SHMT1: variants seen among roughly 807,000 people sequenced by gnomAD.
SHMT1 encodes the protein serine hydroxymethyltransferase 1, also known as serine hydroxymethyltransferase, cytosolic.
SHMT1 carries 45 observed loss-of-function variants against 49.0 expected under a neutral mutation model. The observed-to-expected ratio is 0.92, with a 90% CI of 0.72 to 1.18. The LOEUF (loss-of-function observed/expected upper bound fraction) is 1.18, where lower values mean the gene tolerates loss of function less well. SHMT1 is among the 50% of genes most tolerant of loss of function. The probability of loss-of-function intolerance (pLI) is 0.00; values close to 1 mark genes in which losing one functional copy is unlikely to be tolerated. For missense variants in SHMT1, 541 were observed against 612.4 expected, an observed-to-expected ratio of 0.88 and a Z score of 1.23; for synonymous variants, 232 against 246.6, an observed-to-expected ratio of 0.94 and a Z score of 0.55.
chr17:18,329,293 G>A lies in SHMT1; in HGVS notation c.1267C>T (p.His423Tyr). 6.2e-7 allele frequency: 1 copy of A among 1,611,682 alleles called. No homozygotes were observed. Among genetic ancestry groups the A allele is most frequent in the Non-Finnish European group, 8.5e-7 (1 of 1,178,394 alleles). ...LLEKDFQKVAHFIHRGIELTL... is the reference protein window; with the variant it reads ...LLEKDFQKVAYFIHRGIELTL... ...TTATCCTTACCTCTGTGAATAAAGT[G>A]GGCTACTTTTTGGAAGTCTTTTTCC... Residue 423 changes from histidine (H) to tyrosine (Y), a missense_variant, in exon 11 of 12, where the codon CAC becomes TAC. Coordinates refer to ENST00000316694, the MANE Select transcript of SHMT1 (RefSeq NM_004169.5).
intron 1 of SHMT1, chr17:18,360,484 C>T (rs1986654309): frequency 1.3e-5 from 2 of 151,220 alleles, no homozygotes; most frequent in African/African-American, 4.9e-5. Flanking sequence ...CACTTGAGTC[C>T]CGGAGGTTGA....
intron 3 of SHMT1, 23 bp downstream of exon 3, chr17:18,353,649 G>T (rs372897812): frequency 3.1e-6 from 5 of 1,613,204 alleles, no homozygotes; most frequent in East Asian, 4.5e-5. Flanking sequence ...GTCAGAACCA[G>T]GCCTTTGAAG....
chr17:18,356,204 G>A (rs113534518), intron 1 of SHMT1, among the ~76,000 whole-genome samples: 6,278 of 151,748 alleles, frequency 0.041, 314 homozygotes, highest in African/African-American at 0.12. Context: ...CACCATGCCC[G>A]GCTAATTTTT....
chr17:18,351,271 G>A (rs1048490051), intron 3 of SHMT1, among the ~76,000 whole-genome samples: 18 of 151,968 alleles, frequency 1.2e-4, no homozygotes, highest in African/African-American at 4.3e-4. Context: ...CTCCCGAGTA[G>A]CTGGGACTAC....
chr17:18,349,407 AAG>A (rs1985445516), intron 3 of SHMT1, among the ~76,000 whole-genome samples: 1 of 151,766 alleles, frequency 6.6e-6, no homozygotes, highest in South Asian at 2.1e-4. Flanking sequence ...GCATCCCAGC[AAG>A]ACTCAGTCTC....
At chr17:18,349,141 T>C (rs760422905) in intron 3 of SHMT1, among the ~76,000 whole-genome samples, 1 of 152,158 alleles carries the variant, frequency 6.6e-6, no homozygotes, top group Non-Finnish European at 1.5e-5. Flanking sequence ...AAGCTTAGGC[T>C]GGGCATGGTG....
At chr17:18,347,015 G>A (rs1985148772) in intron 5 of SHMT1, among the ~76,000 whole-genome samples, 1 of 152,224 alleles carries the variant, frequency 6.6e-6, no homozygotes, top group Admixed American at 6.5e-5. Flanking sequence ...GAGGACTGTG[G>A]CTGTGGATGG....
rs370302733 is a variant in SHMT1, at chr17:18,348,290, GA to G, written c.358+34del. 1.8e-5 allele frequency: 24 copies of G among 1,350,758 alleles called. No homozygotes were observed. In the African/African-American group the frequency reaches 1.9e-4, roughly 10 times the overall value. 83.7% of individuals were successfully genotyped at this position (1,350,758 alleles called of 1,614,324 possible). On this transcript the variant is annotated intron_variant, in intron 4 of 11. Coordinates refer to ENST00000316694, the MANE Select transcript of SHMT1 (RefSeq NM_004169.5). ...GTCGGCCCTGGGGGATGCACATGAAGAGGCTGCACCAGGCCATATGGATGAG... is the reference window on the plus strand; with the variant it reads ...GTCGGCCCTGGGGGATGCACATGAAGGGCTGCACCAGGCCATATGGATGAG...
At chr17:18,335,855 G>GT (rs1413460455) in intron 7 of SHMT1, among the ~76,000 whole-genome samples, 180 bp from the exon 8 acceptor site, 1 of 152,182 alleles carries the variant, frequency 6.6e-6, no homozygotes, top group East Asian at 1.9e-4. Context: ...GGGCAGACCA[G>GT]TATCTTTATT....
In SHMT1 at chr17:18,330,899, G is replaced by T. The variant is rs1983139975; in HGVS notation, c.1055-228C>A. 4 of 556,534 alleles carry T rather than the reference G, an allele frequency of 7.2e-6. No individual in the cohort carries two copies. The East Asian group carries it at 1.4e-4, about 19-fold the overall frequency. 34.5% of individuals were successfully genotyped at this position (556,534 alleles called of 1,614,324 possible). ...AGGGGTAACTGATCATACAGCAGAG[G>T]GCCTGACACTCCCATGGGGAAGGGA... is the stretch of plus-strand genomic sequence containing the variant. On this transcript the variant is annotated intron_variant, in intron 9 of 11. Coordinates refer to ENST00000316694, the MANE Select transcript of SHMT1 (RefSeq NM_004169.5).
chr17:18,342,805 G>A (rs1188851431), intron 5 of SHMT1, among the ~76,000 whole-genome samples: 8 of 150,812 alleles, frequency 5.3e-5, no homozygotes, highest in Non-Finnish European at 1.2e-4. Flanking sequence ...GCGTGGTGGC[G>A]TATGCCTGTA....
intron 1 of SHMT1, among the ~76,000 whole-genome samples, chr17:18,357,082 C>A (rs183752472): frequency 8.8e-4 from 133 of 151,988 alleles, no homozygotes; most frequent in Middle Eastern, 6.8e-3. Flanking sequence ...GAGTTGGAGA[C>A]CATCCTGGCC....
In SHMT1 at chr17:18,337,592, T is replaced by TGATG. The variant is rs1232255980; in HGVS notation, c.815-1918_815-1917insCATC. Reference sequence around the variant, plus strand: ...CCTCCCTCTCCCCACGGTCTCCCTCTCCCTTTCCACGGTCTCCCTCTGATG... The same window carrying TGATG: ...CCTCCCTCTCCCCACGGTCTCCCTCTGATGCCCTTTCCACGGTCTCCCTCTGATG... On this transcript the variant is annotated intron_variant, in intron 7 of 11. Coordinates refer to ENST00000316694, the MANE Select transcript of SHMT1 (RefSeq NM_004169.5). 5.1e-5 allele frequency among the ~76,000 whole-genome samples: 6 copies of TGATG among 118,302 alleles called. No homozygotes were observed. In the East Asian group the frequency reaches 2.7e-3, roughly 54 times the overall value. The allele number at this position is 118,302 out of a possible 152,430, so 77.6% of individuals were successfully genotyped here.
rs1984450798 is a variant in SHMT1, at chr17:18,341,045, G to A, written c.520-232C>T. ...GGGTTGTAGTGAGCCCTGCTGCTGGGGCACTACCTGCTGAGAAGGAACCAA... is the reference window on the plus strand; with the variant it reads ...GGGTTGTAGTGAGCCCTGCTGCTGGAGCACTACCTGCTGAGAAGGAACCAA... On this transcript the variant is annotated intron_variant, in intron 5 of 11. Transcript: ENST00000316694. 3 of 569,644 alleles carry A rather than the reference G, an allele frequency of 5.3e-6. No homozygotes were observed. The South Asian group carries it at 6.0e-5, about 11-fold the overall frequency. The allele number at this position is 569,644 out of a possible 1,614,324, so 35.3% of individuals were successfully genotyped here.
rs775907943 is a variant in SHMT1, at chr17:18,330,582, T to C, written c.1144A>G (p.Ile382Val). 6.2e-6 allele frequency: 10 copies of C among 1,612,724 alleles called. No homozygotes were observed. Among genetic ancestry groups the C allele is most frequent in the South Asian group, 1.1e-5 (1 of 91,072 alleles). The change falls in exon 10 of 12, where the codon ATT becomes GTT. Residue 382 changes from isoleucine (I) to valine (V), a missense_variant. Coordinates refer to ENST00000316694, the MANE Select transcript of SHMT1 (RefSeq NM_004169.5). Reference sequence around the variant, plus strand: ...GGACAGGTGTTCTTGTTGCAGGCAATAGAACAGGCTTCTAGCACCTTCTCA... The same window carrying C: ...GGACAGGTGTTCTTGTTGCAGGCAACAGAACAGGCTTCTAGCACCTTCTCA... ...RAEKVLEACS[I>V]ACNKNTCPGD...
In SHMT1 at chr17:18,328,211, C is replaced by T. The variant is rs796325683; in HGVS notation, c.*539G>A. 2 of 163,578 alleles carry T rather than the reference C, an allele frequency of 1.2e-5. No individual in the cohort carries two copies. Among genetic ancestry groups the T allele is most frequent in the African/African-American group, 4.8e-5 (2 of 41,656 alleles). 10.1% of individuals were successfully genotyped at this position (163,578 alleles called of 1,614,324 possible). ...TTTGAGCTACTGACAGCAAAACCCT[C>T]CCACCATACTGGGTGCATCTTGTTT... On this transcript the variant is annotated 3_prime_UTR_variant, in exon 12 of 12. Transcript: ENST00000316694.
intron 1 of SHMT1, among the ~76,000 whole-genome samples, chr17:18,357,357 CACTGGCAGGGA>C (rs745621517): frequency 2.0e-5 from 3 of 151,192 alleles, no homozygotes; most frequent in Non-Finnish European, 2.9e-5. Flanking sequence ...GAAACAATTC[CACTGGCAGGGA>C]ACTGGCAGGC....
At chr17:18,331,273 G>A (rs1983178375) in intron 9 of SHMT1, 2 of 190,262 alleles carry the variant, frequency 1.1e-5, no homozygotes, top group South Asian at 1.1e-4. Flanking sequence ...CAGCACTGGG[G>A]CCTCTGCTTC....
intron 2 of SHMT1, 127 bp from the exon 3 acceptor site, chr17:18,353,944 C>G (rs1985971176): frequency 1.1e-6 from 1 of 880,802 alleles, no homozygotes; most frequent in African/African-American, 1.7e-5. Context: ...GAATCCTCCT[C>G]AAAGGTTTTA....
Sources: allele counts gnomAD v4.1 joint callset (sites outside exome capture counted in the v4.1 genomes callset), GRCh38; gene constraint gnomAD v4.1.1; transcripts MANE v1.5; gene names NCBI Gene and HGNC (gene_info 2026-07-23, HGNC 2026-07-21).